MPPED2: variants seen among roughly 807,000 people sequenced by gnomAD.
MPPED2 encodes metallophosphoesterase MPPED2.
In MPPED2, 5 loss-of-function variants were observed where a neutral mutation model predicts 33.0. The observed-to-expected ratio is 0.15, with a 90% CI of 0.08 to 0.32. MPPED2 has a LOEUF of 0.32. Among genes scored for constraint, MPPED2 ranks in the 10% least tolerant of loss-of-function variants. MPPED2 has a pLI of 1.00. For synonymous variants in MPPED2, 136 were observed against 141.9 expected, an observed-to-expected ratio of 0.96 and a Z score of 0.29; for missense variants, 275 against 372.1, an observed-to-expected ratio of 0.74 and a Z score of 2.15.
chr11:30,504,719 C>G, intron 3 of MPPED2: 1 of 1,235,624 alleles, frequency 8.1e-7, no homozygotes, highest in Non-Finnish European at 1.1e-6. Context: ...CCTGACAGCT[C>G]TAACGTTAAT....
chr11:30,409,740 T>G (rs565012091), downstream of MPPED2, among the ~76,000 whole-genome samples: 7 of 152,208 alleles, frequency 4.6e-5, no homozygotes, highest in Non-Finnish European at 1.0e-4. Context: ...GGTGATGTCT[T>G]TTTTATTTTC....
chr11:30,576,523 C>T (rs1203757888), intron 2 of MPPED2, among the ~76,000 whole-genome samples: 1 of 152,156 alleles, frequency 6.6e-6, no homozygotes, highest in Non-Finnish European at 1.5e-5. Context: ...GATTTCAATG[C>T]TAAAACTGAA....
intron 4 of MPPED2, among the ~76,000 whole-genome samples, chr11:30,437,898 G>C (rs552011574): frequency 6.6e-6 from 1 of 152,190 alleles, no homozygotes; most frequent in South Asian, 2.1e-4. Context: ...TAGCAGCCCA[G>C]GATGAGTAAC....
intron 4 of MPPED2, among the ~76,000 whole-genome samples, chr11:30,474,614 G>A (rs1341827658): frequency 1.3e-5 from 2 of 152,102 alleles, no homozygotes; most frequent in African/African-American, 4.8e-5. Context: ...AAAACAATGA[G>A]AGTCTCTTGA....
intron 4 of MPPED2, among the ~76,000 whole-genome samples, chr11:30,429,508 C>G (rs1216586306): frequency 6.6e-6 from 1 of 152,222 alleles, no homozygotes; most frequent in Non-Finnish European, 1.5e-5. Context: ...AAAGCTTAGA[C>G]TGCCCTTCAA....
At chr11:30,485,192 A>G (rs1364702657) in intron 4 of MPPED2, among the ~76,000 whole-genome samples, 1 of 152,212 alleles carries the variant, frequency 6.6e-6, no homozygotes, top group Non-Finnish European at 1.5e-5. Context: ...TCTTTGCAAA[A>G]TAAGTGTCCT....
Position 30,536,160 on chromosome 11 carries a change from T to G in MPPED2, c.144A>C (p.Pro48=). Reference sequence around the variant, plus strand: ...GGCCCGCTGGTTTTGGAGTGTCATATGGGATGGGGTCGACCCTAAAGTAGA... The same window carrying G: ...GGCCCGCTGGTTTTGGAGTGTCATAGGGGATGGGGTCGACCCTAAAGTAGA... ...PPHVHMVDPI[P]YDTPKPAGHT... Residue 48 remains proline, a synonymous_variant, in exon 3 of 7, where the codon CCA becomes CCC. Coordinates refer to ENST00000358117, the MANE Select transcript of MPPED2 (RefSeq NM_001584.3). 23 of 1,605,362 alleles carry G rather than the reference T, an allele frequency of 1.4e-5. No homozygotes were observed. The highest frequency in any genetic ancestry group is 2.0e-5 in the Non-Finnish European group (23 of 1,176,664).
chr11:30,555,409 C>G (rs1262353209), intron 2 of MPPED2, among the ~76,000 whole-genome samples: 1 of 152,204 alleles, frequency 6.6e-6, no homozygotes, highest in Non-Finnish European at 1.5e-5. Context: ...TAGAGTACTT[C>G]AGGCTACTGT....
chr11:30,447,939 G>A (rs1314685818), intron 4 of MPPED2, among the ~76,000 whole-genome samples: 6 of 152,076 alleles, frequency 3.9e-5, no homozygotes, highest in East Asian at 1.9e-4. Flanking sequence ...ATAGACCCTC[G>A]AAAGATAAAA....
chr11:30,517,647 A>G (rs1590678117), intron 3 of MPPED2, among the ~76,000 whole-genome samples: 1 of 152,110 alleles, frequency 6.6e-6, no homozygotes, highest in East Asian at 1.9e-4. Context: ...CTCTCTCTTT[A>G]GGCAATGGAA....
chr11:30,411,345 TG>T lies in MPPED2; in HGVS notation c.*122del. 1 of 1,385,102 alleles carries T rather than the reference TG, an allele frequency of 7.2e-7. No individual in the cohort carries two copies. The highest frequency in any genetic ancestry group is 9.5e-7 in the Non-Finnish European group (1 of 1,057,790). 85.8% of individuals were successfully genotyped at this position (1,385,102 alleles called of 1,614,324 possible). On this transcript the variant is annotated 3_prime_UTR_variant, in exon 7 of 7. Coordinates refer to ENST00000358117, the MANE Select transcript of MPPED2 (RefSeq NM_001584.3). ...GAAGCACAACCTCTAGCATCATTTGTGTTCCAACAATTTACAAAAAGAACTC... is the reference window on the plus strand; with the variant it reads ...GAAGCACAACCTCTAGCATCATTTGTTTCCAACAATTTACAAAAAGAACTC...
At chr11:30,442,962 C>T (rs1157525782) in intron 4 of MPPED2, among the ~76,000 whole-genome samples, 1 of 152,086 alleles carries the variant, frequency 6.6e-6, no homozygotes, top group Non-Finnish European at 1.5e-5. Context: ...CACTGCACGC[C>T]AGCCTGGTCG....
At chr11:30,402,444 G>C (rs994366363) in intron 6 of MPPED2, among the ~76,000 whole-genome samples, 5 of 152,294 alleles carry the variant, frequency 3.3e-5, no homozygotes, top group African/African-American at 9.6e-5. Flanking sequence ...GACAGATTGT[G>C]ATGAGAAGTC....
chr11:30,535,950 C>T (rs768583282), intron 3 of MPPED2, 44 bp downstream of exon 3: 27 of 1,509,194 alleles, frequency 1.8e-5, no homozygotes, highest in Middle Eastern at 2.2e-4. Context: ...GACACTCGGA[C>T]GGGAAAGGTT....
intron 2 of MPPED2, among the ~76,000 whole-genome samples, chr11:30,552,221 C>T (rs1316575432): frequency 1.3e-5 from 2 of 152,156 alleles, no homozygotes; most frequent in Admixed American, 1.3e-4. Flanking sequence ...CAATGTCCTG[C>T]GTTAATCTGG....
chr11:30,464,431 C>T (rs1040288862), intron 4 of MPPED2, among the ~76,000 whole-genome samples: 5 of 152,294 alleles, frequency 3.3e-5, no homozygotes, highest in African/African-American at 1.2e-4. Flanking sequence ...GAAAACACAA[C>T]CTACTTACAC....
chr11:30,496,396 T>G (rs1368783469), intron 3 of MPPED2, among the ~76,000 whole-genome samples: 2 of 152,198 alleles, frequency 1.3e-5, no homozygotes, highest in Non-Finnish European at 2.9e-5. Context: ...GCCGGGCAGC[T>G]GTCCCCACCT....
In MPPED2 at chr11:30,471,348, C is replaced by T. The variant is rs540919835; in HGVS notation, c.536+23948G>A. Among the ~76,000 whole-genome samples, 7 of 152,300 alleles carry T rather than the reference C, an allele frequency of 4.6e-5. No individual in the cohort carries two copies. The East Asian group carries it at 1.4e-3, about 29-fold the overall frequency. ...GCCAAATAATTGTCCTGCTTAAAAC[C>T]TTTCCATGGTTCACCAAAACCACAG... On this transcript the variant is annotated intron_variant, in intron 4 of 6. Transcript: ENST00000358117.
In MPPED2 at chr11:30,457,180, G is replaced by A. The variant is rs183821315; in HGVS notation, c.536+38116C>T. ...GCTTTGAGAATGCACATCCAGCAAT[G>A]TTCCCTGGACATGTTCTAAAGGAAC... On this transcript the variant is annotated intron_variant, in intron 4 of 6. Coordinates refer to ENST00000358117, the MANE Select transcript of MPPED2 (RefSeq NM_001584.3). Among the ~76,000 whole-genome samples, 351 of 152,240 alleles carry A rather than the reference G, an allele frequency of 2.3e-3. 1 individual carries two copies. Among genetic ancestry groups the A allele is most frequent in the Middle Eastern group, 0.017 (5 of 294 alleles).
Sources: allele counts gnomAD v4.1 joint callset (sites outside exome capture counted in the v4.1 genomes callset), GRCh38; gene constraint gnomAD v4.1.1; transcripts MANE v1.5; gene names NCBI Gene and HGNC (gene_info 2026-07-23, HGNC 2026-07-21).